Variants in ZCCHC2 observed in about 807,000 individuals in gnomAD.
ZCCHC2 encodes the protein zinc finger CCHC domain-containing protein 2.
A neutral mutation model predicts 103.6 loss-of-function variants in ZCCHC2; 39 were observed. That is an observed-to-expected ratio of 0.38 (90% CI 0.29 to 0.49). The LOEUF is 0.49. Ranked by LOEUF, ZCCHC2 falls within the 20% of genes least tolerant of loss-of-function variation. ZCCHC2 has a pLI of 0.96. For missense variants in ZCCHC2, 1,483 were observed against 1,491.0 expected (o/e 0.99, Z 0.09); for synonymous variants, 687 against 608.9 (o/e 1.13, Z -1.89).
intron 1 of ZCCHC2, among the ~76,000 whole-genome samples, chr18:62,537,613 T>G (rs995228539): frequency 2.6e-5 from 4 of 152,252 alleles, no homozygotes; most frequent in Admixed American, 1.3e-4. Context: ...TGTATCAGAA[T>G]TGCATTCCTT....
intron 1 of ZCCHC2, among the ~76,000 whole-genome samples, chr18:62,537,237 G>C (rs1002857495): frequency 3.9e-5 from 6 of 152,196 alleles, no homozygotes; most frequent in East Asian, 3.9e-4. Flanking sequence ...GAAGTGCAGT[G>C]GCGCAGTCAT....
chr18:62,557,291 T>C (rs770254586), intron 6 of ZCCHC2, among the ~76,000 whole-genome samples: 7 of 152,220 alleles, frequency 4.6e-5, no homozygotes, highest in Admixed American at 1.3e-4. Context: ...ACTTCAGGCA[T>C]AGCTATGGCA....
At chr18:62,541,200 G>T (rs185173590) in intron 2 of ZCCHC2, among the ~76,000 whole-genome samples, 3 of 152,252 alleles carry the variant, frequency 2.0e-5, no homozygotes, top group South Asian at 2.1e-4. Flanking sequence ...ACAGGCTTTT[G>T]CCTGGCTTTT....
chr18:62,574,963 T>G lies in ZCCHC2; in HGVS notation c.2882T>G (p.Val961Gly). ...SQAQATVPPAVPTHTPGPAPS... is the reference protein window; with the variant it reads ...SQAQATVPPAGPTHTPGPAPS... ...GCCCAGGCAACTGTTCCTCCTGCAG[T>G]TCCTACCCACACCCCAGGCCCTGCC... is the stretch of plus-strand genomic sequence containing the variant. Residue 961 changes from valine to glycine, a missense_variant, in exon 13 of 14, where the codon GTT becomes GGT. Physicochemically the swap from Val to Gly is moderately radical, Grantham distance 109. Coordinates refer to ENST00000269499, the MANE Select transcript of ZCCHC2 (RefSeq NM_017742.6). 1 of 1,613,878 alleles carries G rather than the reference T, an allele frequency of 6.2e-7. No individual in the cohort carries two copies. The highest frequency in any genetic ancestry group is 8.5e-7 in the Non-Finnish European group (1 of 1,179,876).
chr18:62,556,413 C>G, intron 6 of ZCCHC2, 116 bp downstream of exon 6: 1 of 742,812 alleles, frequency 1.3e-6, no homozygotes, highest in Non-Finnish European at 2.1e-6. Flanking sequence ...TAGTGACATA[C>G]ATTTTTAATG....
chr18:62,544,312 T>A (rs1447870576), intron 3 of ZCCHC2, among the ~76,000 whole-genome samples: 1 of 152,216 alleles, frequency 6.6e-6, no homozygotes, highest in Non-Finnish European at 1.5e-5. Context: ...TTTTAAAGAT[T>A]GAGATAAAGA....
In ZCCHC2 at chr18:62,575,093, G is replaced by A. The variant is rs776306710; in HGVS notation, c.3012G>A (p.Pro1004=). The change falls in exon 13 of 14, where the codon CCG becomes CCA. Residue 1004 remains proline, a synonymous_variant. Transcript: ENST00000269499. ...NTNANGTVVP[P]QQMGSGPCGS... The stretch of plus-strand genomic sequence containing the variant: ...ACGCTAATGGGACAGTAGTGCCACC[G>A]CAGCAGATGGGCTCAGGTCCTTGTG... The A allele has an allele frequency of 2.9e-5, 46 of 1,613,862 alleles. No homozygotes were observed. The highest frequency in any genetic ancestry group is 5.5e-5 in the South Asian group (5 of 91,068).
intron 2 of ZCCHC2, among the ~76,000 whole-genome samples, chr18:62,540,227 G>T (rs1194669969): frequency 6.6e-6 from 1 of 152,200 alleles, no homozygotes; most frequent in African/African-American, 2.4e-5. Flanking sequence ...AAGAGGGCTG[G>T]AATGAATGGG....
chr18:62,560,054 C>T (rs746105921), intron 7 of ZCCHC2, among the ~76,000 whole-genome samples: 12 of 152,118 alleles, frequency 7.9e-5, no homozygotes, highest in Non-Finnish European at 1.6e-4. Flanking sequence ...TATGAGCACA[C>T]ATATATGGAT....
chr18:62,572,757 A>G (rs1267858686), intron 12 of ZCCHC2, among the ~76,000 whole-genome samples: 2 of 152,244 alleles, frequency 1.3e-5, no homozygotes, highest in African/African-American at 2.4e-5. Context: ...GCTATTTCAC[A>G]TAGAAATTTA....
At chr18:62,548,710 G>C (rs1418942348) in intron 4 of ZCCHC2, among the ~76,000 whole-genome samples, 1 of 150,950 alleles carries the variant, frequency 6.6e-6, no homozygotes, top group Non-Finnish European at 1.5e-5. Flanking sequence ...ATCATCTGAG[G>C]TCAGGAGTTC....
intron 1 of ZCCHC2, among the ~76,000 whole-genome samples, chr18:62,528,596 C>CG (rs199804791): frequency 0.2 from 15,911 of 80,732 alleles, 920 homozygotes; most frequent in Non-Finnish European, 0.21. Flanking sequence ...GAGACTGTCT[C>CG]GGGAAAAAAA....
chr18:62,556,187 T>C lies in ZCCHC2; in HGVS notation c.1314-16T>C. 6.4e-7 allele frequency: 1 copy of C among 1,572,004 alleles called. No homozygotes were observed. The highest frequency in any genetic ancestry group is 8.6e-7 in the Non-Finnish European group (1 of 1,156,598). The stretch of plus-strand genomic sequence containing the variant: ...ATTACCTGAAATTAACAAATCTCTT[T>C]TCTTTTTATGTGCAGGCAGCTATTT... On this transcript the variant is annotated splice_polypyrimidine_tract_variant and intron_variant, in intron 5 of 13. Coordinates refer to ENST00000269499, the MANE Select transcript of ZCCHC2 (RefSeq NM_017742.6).
chr18:62,524,594 G>T (rs1239118789), intron 1 of ZCCHC2: 1 of 589,030 alleles, frequency 1.7e-6, no homozygotes, highest in East Asian at 3.4e-5. Flanking sequence ...CGCCATCACA[G>T]AATGCTCTAG....
At position 62,524,024 on chromosome 18, in the gene ZCCHC2, G is replaced by A; in HGVS notation, c.600G>A (p.Ser200=). Residue 200 remains serine (S), a synonymous_variant, in exon 1 of 14, where the codon TCG becomes TCA. Coordinates refer to ENST00000269499, the MANE Select transcript of ZCCHC2 (RefSeq NM_017742.6). ...ACCGCCTGCTACCCCAGGTGGACTC[G>A]GTGCTCAAAAGCCTGCGCGCGGCCC... ...RLHRLLPQVD[S]VLKSLRAARG... is the part of the protein sequence containing the mutation. The A allele has an allele frequency of 6.8e-7, 1 of 1,475,496 alleles. No homozygotes were observed. Among genetic ancestry groups the A allele is most frequent in the Non-Finnish European group, 8.9e-7 (1 of 1,123,420 alleles). 91.4% of individuals were successfully genotyped at this position (1,475,496 alleles called of 1,614,324 possible). A position where few individuals can be genotyped will look rare whatever the true frequency, so the allele number is the denominator to read the frequency against.
chr18:62,547,162 T>A (rs1024556154), intron 4 of ZCCHC2, among the ~76,000 whole-genome samples: 1 of 151,926 alleles, frequency 6.6e-6, no homozygotes, highest in Admixed American at 6.6e-5. Flanking sequence ...CCATGTCTAC[T>A]AAAAATACAA....
chr18:62,531,287 A>G (rs1193739982), intron 1 of ZCCHC2, among the ~76,000 whole-genome samples: 2 of 152,206 alleles, frequency 1.3e-5, no homozygotes, highest in East Asian at 1.9e-4. Context: ...TGTTTATGTT[A>G]CAGGTGTAGC....
intron 1 of ZCCHC2, among the ~76,000 whole-genome samples, chr18:62,533,325 A>T (rs1385374529): frequency 6.6e-6 from 1 of 151,930 alleles, no homozygotes; most frequent in Non-Finnish European, 1.5e-5. Flanking sequence ...CAGGAGTTCG[A>T]TACCAGACTG....
intron 10 of ZCCHC2, 59 bp downstream of exon 10, chr18:62,564,694 A>G (rs1029302135): frequency 1.6e-6 from 2 of 1,240,066 alleles, no homozygotes; most frequent in Non-Finnish European, 2.2e-6. Flanking sequence ...TGTTTAGTTT[A>G]TGATAGTATA....
Sources: allele counts gnomAD v4.1 joint callset (sites outside exome capture counted in the v4.1 genomes callset), GRCh38; gene constraint gnomAD v4.1.1; transcripts MANE v1.5; gene names NCBI Gene and HGNC (gene_info 2026-07-23, HGNC 2026-07-21).